The following WSCD1 variants were observed in gnomAD, a reference collection of about 807,000 sequenced individuals.
WSCD1 encodes WSC domain sialate O sulfotransferase 1.
WSCD1 carries 41 observed loss-of-function variants against 60.4 expected under a neutral mutation model. That is an observed-to-expected ratio of 0.68 (90% CI 0.53 to 0.88). WSCD1 has a LOEUF of 0.88. Ranked by LOEUF, WSCD1 falls within the 40% of genes least tolerant of loss-of-function variation. The pLI is 0.00. For missense variants in WSCD1, 784 were observed against 796.2 expected, an observed-to-expected ratio of 0.98 and a Z score of 0.18; for synonymous variants, 361 against 332.5, an observed-to-expected ratio of 1.09 and a Z score of -0.93.
Position 6,101,886 on chromosome 17 carries a change from G to T in WSCD1, c.849+6663G>T, listed in dbSNP as rs1910821364. Reference sequence around the variant, plus strand: ...TTGTGCTCAAGTAGATAGGCCATTTGTGGGGGTGCTCCGAAAGGAGGCTGA... The same window carrying T: ...TTGTGCTCAAGTAGATAGGCCATTTTTGGGGGTGCTCCGAAAGGAGGCTGA... On this transcript the variant is annotated intron_variant, in intron 5 of 8. Transcript: ENST00000317744. This position sits in a 1 kb window ranked among gnomAD's most constrained non-coding sequence, Gnocchi z 4.1. 6.6e-6 allele frequency among the ~76,000 whole-genome samples: 1 copy of T among 152,318 alleles called. No homozygotes were observed. Among genetic ancestry groups the T allele is most frequent in the Non-Finnish European group, 1.5e-5 (1 of 68,026 alleles).
chr17:6,076,934 G>A (rs986331488), intron 1 of WSCD1, among the ~76,000 whole-genome samples: 1 of 152,176 alleles, frequency 6.6e-6, no homozygotes, highest in Admixed American at 6.5e-5. Flanking sequence ...TGCTAGCTGT[G>A]TGCTGGGATC....
intron 1 of WSCD1, among the ~76,000 whole-genome samples, chr17:6,077,475 T>C (rs890251817): frequency 2.0e-5 from 3 of 152,214 alleles, no homozygotes; most frequent in Non-Finnish European, 2.9e-5. Context: ...TGCAGCCTGC[T>C]TCATAGAAGA....
chr17:6,108,892 T>C (rs1244202173), intron 5 of WSCD1, among the ~76,000 whole-genome samples: 1 of 152,150 alleles, frequency 6.6e-6, no homozygotes, highest in African/African-American at 2.4e-5. Context: ...AGGGCCCCCC[T>C]CCATTTTGAA....
chr17:6,114,505 A>G (rs1008989117), intron 7 of WSCD1, among the ~76,000 whole-genome samples: 26 of 152,146 alleles, frequency 1.7e-4, no homozygotes, highest in African/African-American at 6.3e-4. Flanking sequence ...AGGATTTTGA[A>G]TGTTTCCAGC....
intron 7 of WSCD1, among the ~76,000 whole-genome samples, chr17:6,113,366 G>A (rs934891809): frequency 1.3e-5 from 2 of 152,122 alleles, no homozygotes; most frequent in African/African-American, 4.8e-5. Flanking sequence ...AGACTTAAAT[G>A]TAAGACCCAA....
intron 4 of WSCD1, among the ~76,000 whole-genome samples, chr17:6,094,492 A>G (rs1021933370): frequency 6.6e-6 from 1 of 151,964 alleles, no homozygotes; most frequent in East Asian, 1.9e-4. Flanking sequence ...GTCACCTACC[A>G]TGGGAGGAAT....
intron 4 of WSCD1, among the ~76,000 whole-genome samples, chr17:6,092,287 A>G (rs1910109190): frequency 6.6e-6 from 1 of 151,938 alleles, no homozygotes; most frequent in Admixed American, 6.6e-5. Context: ...CCTAAAGGCC[A>G]CCCTGGCTGG....
chr17:6,092,236 C>A (rs759185966), intron 4 of WSCD1, among the ~76,000 whole-genome samples: 1 of 151,450 alleles, frequency 6.6e-6, no homozygotes, highest in Non-Finnish European at 1.5e-5. Flanking sequence ...AGTGAGTTTT[C>A]CAAGCAGCAC....
At chr17:6,099,438 C>A (rs1567556771) in intron 5 of WSCD1, among the ~76,000 whole-genome samples, 1 of 151,912 alleles carries the variant, frequency 6.6e-6, no homozygotes, top group African/African-American at 2.4e-5. Context: ...TCGCTTGAAC[C>A]CAGGAGGCAG....
chr17:6,078,281 T>C (rs1164949983), intron 1 of WSCD1, among the ~76,000 whole-genome samples: 2 of 152,200 alleles, frequency 1.3e-5, no homozygotes, highest in East Asian at 1.9e-4. Context: ...CCTAAGGAGA[T>C]TACAGACTTT....
At chr17:6,094,567 G>GGAAA (rs1260192401) in intron 4 of WSCD1, among the ~76,000 whole-genome samples, 1 of 148,650 alleles carries the variant, frequency 6.7e-6, no homozygotes, top group African/African-American at 2.5e-5. Context: ...AAGGAAGGAA[G>GGAAA]GAAAAGGAAG....
At chr17:6,115,521 G>A (rs975742271) in intron 7 of WSCD1, among the ~76,000 whole-genome samples, 11 of 152,052 alleles carry the variant, frequency 7.2e-5, no homozygotes, top group Non-Finnish European at 1.3e-4. Context: ...TGGCAAAAAT[G>A]TATTAAAATG....
intron 2 of WSCD1, 132 bp from the exon 3 acceptor site, chr17:6,087,858 C>T: frequency 1.5e-6 from 1 of 651,620 alleles, no homozygotes; most frequent in Non-Finnish European, 2.7e-6. Flanking sequence ...AGGGAGGTAG[C>T]CTGCAGCACT....
Position 6,120,857 on chromosome 17 carries a change from A to C in WSCD1, c.*196A>C. Reference sequence around the variant, plus strand: ...ACAAGGCGAACACAAATGGACACACATACCTGGCCACGAACCCACACCTCC... The same window carrying C: ...ACAAGGCGAACACAAATGGACACACCTACCTGGCCACGAACCCACACCTCC... On this transcript the variant is annotated 3_prime_UTR_variant, in exon 9 of 9. Coordinates refer to ENST00000317744, the MANE Select transcript of WSCD1 (RefSeq NM_015253.2). The C allele has an allele frequency of 1.6e-6, 1 of 615,130 alleles. No homozygotes were observed. Among genetic ancestry groups the C allele is most frequent in the Non-Finnish European group, 2.8e-6 (1 of 356,000 alleles). 38.1% of individuals were successfully genotyped at this position (615,130 alleles called of 1,614,324 possible).
At chr17:6,104,518 A>T (rs370361759) in intron 5 of WSCD1, among the ~76,000 whole-genome samples, 35 of 152,288 alleles carry the variant, frequency 2.3e-4, no homozygotes, top group East Asian at 9.6e-4. Context: ...TCTCCAAATC[A>T]CAAGGCCCCA....
chr17:6,111,596 G>C (rs763051999), intron 7 of WSCD1, among the ~76,000 whole-genome samples: 1 of 151,530 alleles, frequency 6.6e-6, no homozygotes, highest in Non-Finnish European at 1.5e-5. Flanking sequence ...AGCTACTCAG[G>C]AGGCTGAGGC....
intron 1 of WSCD1, among the ~76,000 whole-genome samples, chr17:6,077,512 C>T (rs890462386): frequency 6.6e-5 from 10 of 152,172 alleles, no homozygotes; most frequent in African/African-American, 1.7e-4. Context: ...CTGGCCTGCA[C>T]GTGGCTGTCT....
chr17:6,070,899 G>A (rs1274283674), intron 1 of WSCD1, among the ~76,000 whole-genome samples: 1 of 149,960 alleles, frequency 6.7e-6, no homozygotes, highest in African/African-American at 2.5e-5. Flanking sequence ...CGCTCGGCGC[G>A]GCCGGGATGG....
rs561721471 is a variant in WSCD1, at chr17:6,120,770, T to TG, written c.*115dup. 5.0e-6 allele frequency: 6 copies of TG among 1,198,912 alleles called. No individual in the cohort carries two copies. Among genetic ancestry groups the TG allele is most frequent in the Non-Finnish European group, 6.9e-6 (6 of 870,172 alleles). The allele number at this position is 1,198,912 out of a possible 1,614,324, so 74.3% of individuals were successfully genotyped here. On this transcript the variant is annotated 3_prime_UTR_variant, in exon 9 of 9. Coordinates refer to ENST00000317744, the MANE Select transcript of WSCD1 (RefSeq NM_015253.2). ...TGGCCTCACTGGGACGAACGGTGGGTGGGGGGCTCACCCTGGTGCTGCCTC... is the reference window on the plus strand; with the variant it reads ...TGGCCTCACTGGGACGAACGGTGGGTGGGGGGGCTCACCCTGGTGCTGCCTC...
Sources: gnomAD v4.1 joint callset for allele counts (sites outside exome capture counted in the v4.1 genomes callset) on GRCh38, gnomAD v4.1.1 for gene constraint, Gnocchi (gnomAD v3.1) non-coding constraint, MANE v1.5 for transcripts, NCBI Gene and HGNC (gene_info 2026-07-23, HGNC 2026-07-21) for gene names.